The following PRSS3 variants were observed in gnomAD, a reference collection of about 807,000 sequenced individuals.
The protein encoded by PRSS3 is serine protease 3, also known as trypsin-3.
Under a neutral mutation model 20.8 loss-of-function variants are expected in PRSS3, and 14 were observed. The observed-to-expected ratio is 0.67, with a 90% confidence interval of 0.44 to 1.05. The LOEUF (loss-of-function observed/expected upper bound fraction) is 1.05, where lower values mean the gene tolerates loss of function less well. PRSS3 is among the 50% of genes least tolerant of loss of function. The probability of loss-of-function intolerance (pLI) is 0.00; values close to 1 mark genes in which losing one functional copy is unlikely to be tolerated. For synonymous variants in PRSS3, 91 were observed against 117.6 expected, an observed-to-expected ratio of 0.77 and a Z score of 1.46; for missense variants, 237 against 306.4, an observed-to-expected ratio of 0.77 and a Z score of 1.69.
intron 1 of PRSS3, among the ~76,000 whole-genome samples, chr9:33,767,322 GAAATGTAAGTGTGA>G (rs1823479279): frequency 1.3e-5 from 2 of 151,844 alleles, no homozygotes; most frequent in African/African-American, 4.8e-5. Context: ...AAAATAAAGG[GAAATGTAAGTGTGA>G]ATTGATGAAT....
intron 1 of PRSS3, among the ~76,000 whole-genome samples, chr9:33,773,223 A>G (rs965901195): frequency 6.6e-6 from 1 of 152,056 alleles, no homozygotes; most frequent in African/African-American, 2.4e-5. Context: ...TGAGAGAGAG[A>G]GAGAGAGAAG....
intron 1 of PRSS3, 38 bp downstream of exon 1, chr9:33,795,651 C>A (rs564275832): frequency 6.2e-7 from 1 of 1,610,604 alleles, no homozygotes; most frequent in Non-Finnish European, 8.5e-7. Flanking sequence ...CACCCACCCC[C>A]TTTCCTGGCA....
intron 1 of PRSS3, among the ~76,000 whole-genome samples, chr9:33,777,531 C>CAAAAAAAAAA (rs74180503): frequency 9.8e-6 from 1 of 101,870 alleles, no homozygotes; most frequent in Non-Finnish European, 1.9e-5. Context: ...CTAAAAATAC[C>CAAAAAAAAAA]AAAAAAAAAA....
Position 33,751,527 on chromosome 9 carries a change from T to C in PRSS3, c.-53+800T>C, listed in dbSNP as rs551590556. ...CTAGCACTTTAAGAAATAGAAACCC[T>C]TTCAAAATTTGAGGGCAGGTAGCTC... On this transcript the variant is annotated intron_variant, in intron 1 of 5. Transcript: ENST00000342836. Among the ~76,000 whole-genome samples, 11 of 152,270 alleles carry C rather than the reference T, an allele frequency of 7.2e-5. 1 individual carries two copies. The East Asian group carries it at 1.7e-3, about 24-fold the overall frequency.
At chr9:33,760,745 C>CAAAAA (rs61678518) in intron 1 of PRSS3, among the ~76,000 whole-genome samples, 125 of 100,342 alleles carry the variant, frequency 1.2e-3, no homozygotes, top group East Asian at 3.6e-3. Context: ...GACTCTGTCA[C>CAAAAA]AAAAAAAAAA....
chr9:33,762,981 C>T (rs1823269951), intron 1 of PRSS3, among the ~76,000 whole-genome samples: 1 of 152,144 alleles, frequency 6.6e-6, no homozygotes, highest in African/African-American at 2.4e-5. Flanking sequence ...ATTAATGTCC[C>T]TGTTTTAGAA....
chr9:33,770,286 A>T (rs1336706602), intron 1 of PRSS3, among the ~76,000 whole-genome samples: 1 of 152,214 alleles, frequency 6.6e-6, no homozygotes, highest in Non-Finnish European at 1.5e-5. Flanking sequence ...GGAAGCAGAT[A>T]ATTTCTTGTC....
chr9:33,767,431 T>C (rs551849698), intron 1 of PRSS3, among the ~76,000 whole-genome samples: 1 of 152,204 alleles, frequency 6.6e-6, no homozygotes, highest in African/African-American at 2.4e-5. Flanking sequence ...CTCCAGTGCC[T>C]CAGAATATGC....
chr9:33,797,567 G>A (rs1000790158), intron 2 of PRSS3, among the ~76,000 whole-genome samples: 3 of 152,254 alleles, frequency 2.0e-5, no homozygotes, highest in Admixed American at 1.3e-4. Flanking sequence ...AAGAGGCTGG[G>A]AAGGCAGGTT....
At chr9:33,794,293 A>G (rs568264339), upstream of PRSS3, among the ~76,000 whole-genome samples, 19 of 152,228 alleles carry the variant, frequency 1.2e-4, no homozygotes, top group Admixed American at 1.1e-3. Flanking sequence ...CCCATCACCA[A>G]CCTGAGCTCA....
chr9:33,797,154 T>C (rs1303002632), intron 2 of PRSS3, among the ~76,000 whole-genome samples: 1 of 152,080 alleles, frequency 6.6e-6, no homozygotes. Flanking sequence ...AGGAAGACAG[T>C]GTGAATACCA....
chr9:33,779,834 A>T (rs1336590983), intron 1 of PRSS3, among the ~76,000 whole-genome samples: 1 of 123,838 alleles, frequency 8.1e-6, no homozygotes. Flanking sequence ...GCGCCACTGC[A>T]CTCCAGCCTG....
chr9:33,752,415 C>CA (rs1822739160), intron 1 of PRSS3, among the ~76,000 whole-genome samples: 3 of 152,238 alleles, frequency 2.0e-5, no homozygotes, highest in African/African-American at 7.2e-5. Context: ...TTTCACCACA[C>CA]AGAGTCACTC....
intron 1 of PRSS3, among the ~76,000 whole-genome samples, chr9:33,780,651 A>G (rs1287742973): frequency 1.3e-5 from 2 of 152,238 alleles, no homozygotes; most frequent in African/African-American, 4.8e-5. Flanking sequence ...ACTGCCTTCA[A>G]GAGACCCATC....
intron 1 of PRSS3, among the ~76,000 whole-genome samples, chr9:33,777,877 A>T (rs1587385130): frequency 1.3e-5 from 2 of 152,190 alleles, no homozygotes; most frequent in East Asian, 3.8e-4. Context: ...TCTACAATAC[A>T]GTAAGTAGAC....
At chr9:33,754,014 A>AGTCTT (rs962292122) in intron 1 of PRSS3, among the ~76,000 whole-genome samples, 5 of 152,056 alleles carry the variant, frequency 3.3e-5, no homozygotes, top group South Asian at 2.1e-4. Flanking sequence ...GCTCCAGAAG[A>AGTCTT]GTCTTGTCTT....
At position 33,795,652 on chromosome 9, in the gene PRSS3, T is replaced by C. The variant is rs533357582; in HGVS notation, c.40+39T>C. 7.4e-5 allele frequency: 109 copies of C among 1,466,780 alleles called. No homozygotes were observed. The East Asian group carries it at 2.5e-3, about 34-fold the overall frequency. The allele number at this position is 1,466,780 out of a possible 1,614,324, so 90.9% of individuals were successfully genotyped here. On this transcript the variant is annotated intron_variant, in intron 1 of 4. Coordinates refer to ENST00000379405, the MANE Select transcript of PRSS3 (RefSeq NM_002771.4). ...CCTGCCTCAGGCCCCACCCACCCCC[T>C]TTCCTGGCAGACACATGCCCTGCCA...
chr9:33,759,591 C>A (rs1823092300), intron 1 of PRSS3, among the ~76,000 whole-genome samples: 1 of 152,016 alleles, frequency 6.6e-6, no homozygotes, highest in African/African-American at 2.4e-5. Context: ...AGAAGAGAAG[C>A]CGATTTGGTG....
chr9:33,760,919 G>T (rs1437762923), intron 1 of PRSS3, among the ~76,000 whole-genome samples: 2 of 151,846 alleles, frequency 1.3e-5, no homozygotes, highest in African/African-American at 4.8e-5. Context: ...TTTCAATCTC[G>T]AATTCAGGAT....
Sources: gnomAD v4.1 joint callset for allele counts (sites outside exome capture counted in the v4.1 genomes callset) on GRCh38, gnomAD v4.1.1 for gene constraint, MANE v1.5 for transcripts, NCBI Gene and HGNC (gene_info 2026-07-23, HGNC 2026-07-21) for gene names.